PRKN: variants seen among roughly 807,000 people sequenced by gnomAD.
PRKN encodes E3 ubiquitin-protein ligase parkin.
Under a neutral mutation model 59.5 loss-of-function variants are expected in PRKN, and 56 were observed. The ratio of observed to expected loss-of-function variants is 0.94; its 90% CI spans 0.76 to 1.18. The LOEUF is 1.18. Among genes scored for constraint, PRKN ranks in the 50% most tolerant of loss-of-function variants. The pLI is 0.00. For missense variants in PRKN, 657 were observed against 596.4 expected (o/e 1.10, Z -1.06); for synonymous variants, 250 against 222.1 (o/e 1.13, Z -1.12).
intron 1 of PRKN, chr6:162,727,314 A>ACGGTGAGGGGCGGCGGCGGGGCGC: frequency 2.8e-6 from 1 of 352,164 alleles, no homozygotes; most frequent in Non-Finnish European, 5.1e-6. Context: ...CGGCGGGGCG[A>ACGGTGAGGGGCGGCGGCGGGGCGC]AGGTGAGGGG....
At chr6:162,434,306 TGATGTTCTG>T (rs1376087795) in intron 2 of PRKN, among the ~76,000 whole-genome samples, 1 of 152,200 alleles carries the variant, frequency 6.6e-6, no homozygotes, top group Non-Finnish European at 1.5e-5. Flanking sequence ...AGTAAATACT[TGATGTTCTG>T]CCTCCATTCA....
chr6:162,576,776 G>A (rs191876451), intron 1 of PRKN, among the ~76,000 whole-genome samples: 1 of 133,700 alleles, frequency 7.5e-6, no homozygotes, highest in East Asian at 2.3e-4. Context: ...TGGTGCTACT[G>A]CACTCCAGCA....
Position 161,487,537 on chromosome 6 carries a change from T to G in PRKN, c.1083+61317A>C, listed in dbSNP as rs534754494. 6.6e-6 allele frequency among the ~76,000 whole-genome samples: 1 copy of G among 152,240 alleles called. No homozygotes were observed. Among genetic ancestry groups the G allele is most frequent in the Non-Finnish European group, 1.5e-5 (1 of 68,042 alleles). On this transcript the variant is annotated intron_variant, in intron 9 of 11. Coordinates refer to ENST00000366898, the MANE Select transcript of PRKN (RefSeq NM_004562.3). The surrounding 1 kb of genome is among the most constrained non-coding windows in gnomAD (Gnocchi z 5.3). ...GCCCATGTTCTAAGCCTTCACCATT[T>G]TGTAGACCATCTTATTCACATTTTG... is the stretch of plus-strand genomic sequence containing the variant.
intron 1 of PRKN, among the ~76,000 whole-genome samples, chr6:162,487,537 C>T (rs1338375957): frequency 6.6e-6 from 1 of 152,104 alleles, no homozygotes; most frequent in Non-Finnish European, 1.5e-5. Flanking sequence ...AGGAAATGAA[C>T]ACACATAAAA....
chr6:161,713,956 G>T (rs976584590), intron 7 of PRKN, among the ~76,000 whole-genome samples: 1 of 152,144 alleles, frequency 6.6e-6, no homozygotes, highest in South Asian at 2.1e-4. Flanking sequence ...CACCATGAAA[G>T]ATATGTCTTT....
intron 6 of PRKN, among the ~76,000 whole-genome samples, chr6:161,809,168 GA>G (rs1791458576): frequency 6.6e-6 from 1 of 152,164 alleles, no homozygotes; most frequent in Non-Finnish European, 1.5e-5. Flanking sequence ...CTTTAAAGTT[GA>G]AAGGATGACA....
intron 4 of PRKN, among the ~76,000 whole-genome samples, chr6:162,065,445 G>A (rs924324653): frequency 6.6e-6 from 1 of 152,150 alleles, no homozygotes; most frequent in Non-Finnish European, 1.5e-5. Context: ...ACTGGATGGT[G>A]CCTACCCACA....
chr6:162,386,690 A>G (rs914084343), intron 2 of PRKN, among the ~76,000 whole-genome samples: 11 of 152,226 alleles, frequency 7.2e-5, no homozygotes, highest in Non-Finnish European at 1.2e-4. Context: ...ACGTGTGCAC[A>G]TATGTGCGTG....
intron 4 of PRKN, among the ~76,000 whole-genome samples, chr6:162,067,462 A>T: frequency 6.6e-6 from 1 of 152,216 alleles, no homozygotes; most frequent in East Asian, 1.9e-4. Flanking sequence ...CAAAAGTAAA[A>T]TATTACTTAT....
chr6:162,479,845 T>G (rs1792207832), intron 1 of PRKN, among the ~76,000 whole-genome samples: 1 of 151,508 alleles, frequency 6.6e-6, no homozygotes, highest in Admixed American at 6.6e-5. Context: ...GGCAGGCAGA[T>G]CACGAGGTCA....
At position 161,352,771 on chromosome 6, in the gene PRKN, A is replaced by ATATATATATATTTT. The variant is rs34279714; in HGVS notation, c.1286-2561_1286-2560insAAAATATATATATA. On this transcript the variant is annotated intron_variant, in intron 11 of 11. Coordinates refer to ENST00000366898, the MANE Select transcript of PRKN (RefSeq NM_004562.3). This position sits in a 1 kb window ranked among gnomAD's most constrained non-coding sequence, Gnocchi z 5.8. Reference sequence around the variant, plus strand: ...TGTGTGTGTGTATATATATATATATATTTTATTTTATTTTATTTTATTTTT... The same window carrying ATATATATATATTTT: ...TGTGTGTGTGTATATATATATATATATATATATATATTTTTTTTATTTTATTTTATTTTATTTTT... 1.0e-3 allele frequency among the ~76,000 whole-genome samples: 119 copies of ATATATATATATTTT among 116,888 alleles called. No homozygotes were observed. The East Asian group carries it at 0.012, about 12-fold the overall frequency. 76.7% of individuals were successfully genotyped at this position (116,888 alleles called of 152,430 possible).
At chr6:161,813,174 G>C (rs909321287) in intron 6 of PRKN, among the ~76,000 whole-genome samples, 16 of 152,354 alleles carry the variant, frequency 1.1e-4, no homozygotes, top group African/African-American at 3.1e-4. Flanking sequence ...CAGGAAGACA[G>C]TTGGATTTCC....
chr6:161,827,876 T>C (rs540634486), intron 6 of PRKN, among the ~76,000 whole-genome samples: 1 of 152,176 alleles, frequency 6.6e-6, no homozygotes, highest in Non-Finnish European at 1.5e-5. Flanking sequence ...CAGAATTCTA[T>C]TTCTACCAAG....
rs1582967251 is a variant in PRKN at position 161,359,952 on chromosome 6, T to C, written c.1285+136A>G. ...AAACAATAATAATAGTGATAATGGGTAACATTAATCGAGGGGTTACCCAAC... is the reference window on the plus strand; with the variant it reads ...AAACAATAATAATAGTGATAATGGGCAACATTAATCGAGGGGTTACCCAAC... On this transcript the variant is annotated intron_variant, in intron 11 of 11. Coordinates refer to ENST00000366898, the MANE Select transcript of PRKN (RefSeq NM_004562.3). This position sits in a 1 kb window ranked among gnomAD's most constrained non-coding sequence, Gnocchi z 5.4. The C allele has an allele frequency of 1.3e-6, 1 of 745,884 alleles. No individual in the cohort carries two copies. The highest frequency in any genetic ancestry group is 1.7e-5 in the African/African-American group (1 of 57,844). The allele number at this position is 745,884 out of a possible 1,614,324, so 46.2% of individuals were successfully genotyped here.
intron 2 of PRKN, among the ~76,000 whole-genome samples, chr6:162,307,557 T>C (rs1377019941): frequency 6.6e-6 from 1 of 152,006 alleles, no homozygotes; most frequent in Non-Finnish European, 1.5e-5. Context: ...AAGGAAGACC[T>C]GAACTGAATT....
At chr6:162,595,633 A>G (rs75623476) in intron 1 of PRKN, among the ~76,000 whole-genome samples, 4,130 of 152,110 alleles carry the variant, frequency 0.027, 195 homozygotes, top group African/African-American at 0.096. Flanking sequence ...GTGTTGCTCT[A>G]TTTGAATAAT....
chr6:161,481,085 C>T (rs1274227030), intron 9 of PRKN, among the ~76,000 whole-genome samples: 1 of 152,230 alleles, frequency 6.6e-6, no homozygotes, highest in African/African-American at 2.4e-5. Flanking sequence ...TTGGCATATT[C>T]CAGTCAAGGG....
At chr6:161,653,594 T>A (rs1257315207) in intron 7 of PRKN, among the ~76,000 whole-genome samples, 1 of 152,182 alleles carries the variant, frequency 6.6e-6, no homozygotes, top group Non-Finnish European at 1.5e-5. Context: ...TTCCACTAAC[T>A]GCAACATTCT....
intron 1 of PRKN, among the ~76,000 whole-genome samples, chr6:162,565,760 A>G (rs1780048027): frequency 2.0e-5 from 3 of 152,120 alleles, no homozygotes; most frequent in Admixed American, 2.0e-4. Flanking sequence ...TAAAGGGACT[A>G]AACTCTGCAA....
Sources: allele counts gnomAD v4.1 joint callset (sites outside exome capture counted in the v4.1 genomes callset), GRCh38; gene constraint gnomAD v4.1.1; non-coding constraint Gnocchi (gnomAD v3.1); transcripts MANE v1.5; gene names NCBI Gene and HGNC (gene_info 2026-07-23, HGNC 2026-07-21).